The following SMARCC2 variants were observed in gnomAD, a reference collection of about 807,000 sequenced individuals.
The protein encoded by SMARCC2 is SWI/SNF related BAF chromatin remodeling complex subunit C2.
In SMARCC2, 15 loss-of-function variants were observed where a neutral mutation model predicts 151.3. The ratio of observed to expected loss-of-function variants is 0.10; its 90% CI spans 0.07 to 0.15. The LOEUF (loss-of-function observed/expected upper bound fraction) is 0.15. Ranked by LOEUF, SMARCC2 falls within the 10% of genes least tolerant of loss-of-function variation. The probability of loss-of-function intolerance (pLI) is 1.00; values close to 1 mark genes in which losing one functional copy is unlikely to be tolerated. For synonymous variants in SMARCC2, 590 were observed against 609.5 expected, an observed-to-expected ratio of 0.97 and a Z score of 0.47; for missense variants, 1,031 against 1,599.7, an observed-to-expected ratio of 0.64 and a Z score of 6.06.
At chr12:56,173,054 G>A (rs766113882) in intron 17 of SMARCC2, 25 bp from the exon 18 acceptor site, 17 of 1,610,142 alleles carry the variant, frequency 1.1e-5, no homozygotes, top group Admixed American at 6.7e-5. Context: ...TTGGCGTCAT[G>A]GAGGCTGGGC....
chr12:56,167,951 A>AACGCACAC, intron 26 of SMARCC2, 109 bp downstream of exon 26: 1 of 688,526 alleles, frequency 1.5e-6, no homozygotes, highest in South Asian at 1.9e-5. Flanking sequence ...CTTTCACTGA[A>AACGCACAC]ACACACACAC....
chr12:56,168,558 G>A (rs908113635), intron 25 of SMARCC2, among the ~76,000 whole-genome samples: 1 of 152,064 alleles, frequency 6.6e-6, no homozygotes, highest in African/African-American at 2.4e-5. Context: ...GTTTTTAGTA[G>A]AGATGGGGTT....
chr12:56,174,605 G>T, intron 16 of SMARCC2, 46 bp downstream of exon 16: 1 of 1,243,322 alleles, frequency 8.0e-7, no homozygotes, highest in Non-Finnish European at 1.2e-6. Context: ...CACATCCATA[G>T]GCAGGCATCC....
At position 56,163,671 on chromosome 12, in the gene SMARCC2, A is replaced by G; in HGVS notation, c.*18T>C. On this transcript the variant is annotated 3_prime_UTR_variant, in exon 29 of 29. Coordinates refer to ENST00000550164, the MANE Select transcript of SMARCC2 (RefSeq NM_001330288.2). Reference sequence around the variant, plus strand: ...GATGTCCACAGGGGGTGAGGGGGAGAGATGTCTGGCTGGCTCCTCACTGTG... The same window carrying G: ...GATGTCCACAGGGGGTGAGGGGGAGGGATGTCTGGCTGGCTCCTCACTGTG... 6.9e-7 allele frequency: 1 copy of G among 1,450,402 alleles called. No individual in the cohort carries two copies. The highest frequency in any genetic ancestry group is 9.2e-7 in the Non-Finnish European group (1 of 1,091,694). The allele number at this position is 1,450,402 out of a possible 1,614,324, so 89.8% of individuals were successfully genotyped here. A position where few individuals can be genotyped will look rare whatever the true frequency, so the allele number is the denominator to read the frequency against.
chr12:56,183,008 AT>A (rs1257673412), intron 7 of SMARCC2, among the ~76,000 whole-genome samples: 119 of 133,608 alleles, frequency 8.9e-4, no homozygotes, highest in Admixed American at 8.3e-4. Flanking sequence ...TAATTTCTGT[AT>A]TTTTTTTTTT....
rs756602669 is a variant in SMARCC2 at position 56,164,397 on chromosome 12, A to G, written c.3567T>C (p.Pro1189=). ...CGGCGGATCCGAGCCCCGGCCCGAGAGGCAAGGAAGATGGCATGGTGGTGG... is the reference window on the plus strand; with the variant it reads ...CGGCGGATCCGAGCCCCGGCCCGAGGGGCAAGGAAGATGGCATGGTGGTGG... ...PATTTMPSSL[P]LGPGLGSAAA... Residue 1189 remains proline, a synonymous_variant, in exon 28 of 29, where the codon CCT becomes CCC. Transcript: ENST00000550164. 4.3e-5 allele frequency: 70 copies of G among 1,613,810 alleles called. No individual in the cohort carries two copies. The highest frequency in any genetic ancestry group is 5.6e-5 in the Non-Finnish European group (66 of 1,180,036).
At chr12:56,178,940 C>A in intron 12 of SMARCC2, 57 bp downstream of exon 12, 1 of 1,602,906 alleles carries the variant, frequency 6.2e-7, no homozygotes, top group East Asian at 2.2e-5. Context: ...AAGGGGGCAG[C>A]TGAGCCCTCC....
At chr12:56,180,264 A>G (rs1875906840) in intron 11 of SMARCC2, among the ~76,000 whole-genome samples, 1 of 150,868 alleles carries the variant, frequency 6.6e-6, no homozygotes, top group Non-Finnish European at 1.5e-5. Context: ...ACCCGCCACC[A>G]CGCTCAGCTA....
intron 15 of SMARCC2, among the ~76,000 whole-genome samples, chr12:56,175,699 T>C (rs1874810099): frequency 6.6e-6 from 1 of 152,216 alleles, no homozygotes; most frequent in Non-Finnish European, 1.5e-5. Context: ...TGTGACTTTA[T>C]GCAGGTGACT....
chr12:56,168,258 AAGGT>A, intron 25 of SMARCC2, 64 bp from the exon 26 acceptor site: 1 of 1,586,864 alleles, frequency 6.3e-7, no homozygotes, highest in Non-Finnish European at 8.6e-7. Context: ...ATACAGAAGA[AAGGT>A]AGGGTGGATG....
chr12:56,178,208 T>C lies in SMARCC2; in HGVS notation c.1311-115A>G, dbSNP rs781105825. 65 of 1,001,390 alleles carry C rather than the reference T, an allele frequency of 6.5e-5. 2 individuals carry two copies. Among genetic ancestry groups the C allele is most frequent in the South Asian group, 4.9e-4 (31 of 63,720 alleles). The allele number at this position is 1,001,390 out of a possible 1,614,324, so 62.0% of individuals were successfully genotyped here. On this transcript the variant is annotated intron_variant, in intron 14 of 28. Coordinates refer to ENST00000550164, the MANE Select transcript of SMARCC2 (RefSeq NM_001330288.2). ...GAAAAGAGCTCGAAATTGCTGAAGT[T>C]AGAAGCTTGGGGAGAACATCCCACA...
intron 20 of SMARCC2, 74 bp from the exon 21 acceptor site, chr12:56,172,011 T>C (rs1251391789): frequency 7.0e-7 from 1 of 1,421,728 alleles, no homozygotes; most frequent in Non-Finnish European, 9.6e-7. Flanking sequence ...CCCATCCTAC[T>C]AAGGGCAGCT....
rs891590700 is a variant in SMARCC2 at position 56,178,239 on chromosome 12, T to C, written c.1311-146A>G. 5.3e-6 allele frequency: 5 copies of C among 943,394 alleles called. No homozygotes were observed. In the African/African-American group the frequency reaches 6.5e-5, roughly 12 times the overall value. 58.4% of individuals were successfully genotyped at this position (943,394 alleles called of 1,614,324 possible). A position where few individuals can be genotyped will look rare whatever the true frequency, so the allele number is the denominator to read the frequency against. On this transcript the variant is annotated intron_variant, in intron 14 of 28. Transcript: ENST00000550164. ...CTTGGGGAGAACATCCCACAGGCTG[T>C]AAGACTCAAAAGGACACAAGGAGCT...
At chr12:56,178,203 G>A (rs1266390629) in intron 14 of SMARCC2, 110 bp from the exon 15 acceptor site, 7 of 1,006,382 alleles carry the variant, frequency 7.0e-6, no homozygotes, top group Non-Finnish European at 1.0e-5. Context: ...CGAAATTGCT[G>A]AAGTTAGAAG....
Position 56,170,218 on chromosome 12 carries a change from T to C in SMARCC2, c.2348-10A>G. The C allele has an allele frequency of 1.9e-6, 3 of 1,610,482 alleles. No individual in the cohort carries two copies. Among genetic ancestry groups the C allele is most frequent in the Non-Finnish European group, 2.5e-6 (3 of 1,177,086 alleles). On this transcript the variant is annotated splice_polypyrimidine_tract_variant and intron_variant, in intron 22 of 28. Coordinates refer to ENST00000550164, the MANE Select transcript of SMARCC2 (RefSeq NM_001330288.2). ...TCATTCCCGCTCTCCTCTGGGCCCA[T>C]GAGAAAAGAAAGAAAACAGGAAATG...
At position 56,183,803 on chromosome 12, in the gene SMARCC2, C is replaced by T. The variant is rs1876717771; in HGVS notation, c.632+58G>A. The T allele has an allele frequency of 5.8e-6, 7 of 1,209,922 alleles. No individual in the cohort carries two copies. The South Asian group carries it at 8.8e-5, about 15-fold the overall frequency. 74.9% of individuals were successfully genotyped at this position (1,209,922 alleles called of 1,614,324 possible). A position where few individuals can be genotyped will look rare whatever the true frequency, so the allele number is the denominator to read the frequency against. On this transcript the variant is annotated intron_variant, in intron 7 of 28. Transcript: ENST00000550164. ...AGTGGCCTCTTGCTCTGCTAGATGT[C>T]CTAGGGCTTCTGGGTCTGGCTCTTA... is the stretch of plus-strand genomic sequence containing the variant.
chr12:56,168,324 C>T, intron 25 of SMARCC2, 130 bp from the exon 26 acceptor site: 1 of 1,017,364 alleles, frequency 9.8e-7, no homozygotes, highest in Non-Finnish European at 1.4e-6. Flanking sequence ...GGTGAAAGGG[C>T]TTGACTTTTT....
intron 15 of SMARCC2, among the ~76,000 whole-genome samples, chr12:56,175,723 C>A (rs963477961): frequency 6.6e-6 from 1 of 152,124 alleles, no homozygotes; most frequent in Non-Finnish European, 1.5e-5. Flanking sequence ...CTCCTCTATA[C>A]CCTATCTGTC....
At chr12:56,181,237 C>CA in intron 10 of SMARCC2, 136 bp from the exon 11 acceptor site, 1 of 854,592 alleles carries the variant, frequency 1.2e-6, no homozygotes, top group Non-Finnish European at 1.8e-6. Context: ...AGTAATCACA[C>CA]AGTAATGGGA....
Sources: gnomAD v4.1 joint callset for allele counts (sites outside exome capture counted in the v4.1 genomes callset) on GRCh38, gnomAD v4.1.1 for gene constraint, MANE v1.5 for transcripts, NCBI Gene and HGNC (gene_info 2026-07-23, HGNC 2026-07-21) for gene names.